CCDC60: variants seen among roughly 807,000 people sequenced by gnomAD.
The protein encoded by CCDC60 is coiled-coil domain-containing protein 60.
A neutral mutation model predicts 63.5 loss-of-function variants in CCDC60; 54 were observed. The observed-to-expected ratio is 0.85, with a 90% CI of 0.68 to 1.07. The LOEUF (loss-of-function observed/expected upper bound fraction) is 1.07. Ranked by LOEUF, CCDC60 falls within the 50% of genes least tolerant of loss-of-function variation. The probability of loss-of-function intolerance (pLI) is 0.00; values close to 1 mark genes in which losing one functional copy is unlikely to be tolerated. For synonymous variants in CCDC60, 206 were observed against 238.8 expected (o/e 0.86, Z 1.27); for missense variants, 651 against 684.3 (o/e 0.95, Z 0.54).
At chr12:119,537,027 C>T (rs1953023975) in intron 13 of CCDC60, among the ~76,000 whole-genome samples, 1 of 152,162 alleles carries the variant, frequency 6.6e-6, no homozygotes, top group Admixed American at 6.5e-5. Flanking sequence ...GTTCCATTCT[C>T]CCCATCACTT....
intron 2 of CCDC60, among the ~76,000 whole-genome samples, chr12:119,436,608 G>T (rs754267475): frequency 6.7e-6 from 1 of 149,518 alleles, no homozygotes; most frequent in African/African-American, 2.5e-5. Context: ...GCACGATCTC[G>T]GCTCACTGCA....
chr12:119,381,582 T>C (rs1019559377), intron 1 of CCDC60, among the ~76,000 whole-genome samples: 1 of 152,238 alleles, frequency 6.6e-6, no homozygotes, highest in Non-Finnish European at 1.5e-5. Context: ...TAGTAATCAC[T>C]GCTCCCTACT....
chr12:119,427,679 G>T (rs1223802514), intron 1 of CCDC60, among the ~76,000 whole-genome samples: 1 of 152,016 alleles, frequency 6.6e-6, no homozygotes, highest in African/African-American at 2.4e-5. Flanking sequence ...GTATTTACCA[G>T]ATTTATCTGA....
intron 1 of CCDC60, among the ~76,000 whole-genome samples, chr12:119,425,198 A>G (rs1956880329): frequency 6.6e-6 from 1 of 152,182 alleles, no homozygotes; most frequent in Non-Finnish European, 1.5e-5. Flanking sequence ...ATTTATAAAT[A>G]TGCTTAGTTC....
chr12:119,479,255 G>C, intron 4 of CCDC60, 54 bp downstream of exon 4: 4 of 1,254,610 alleles, frequency 3.2e-6, no homozygotes, highest in Non-Finnish European at 4.6e-6. Flanking sequence ...AATTGAAGCC[G>C]AACTGAAATG....
chr12:119,412,355 C>T (rs978710112), intron 1 of CCDC60, among the ~76,000 whole-genome samples: 3 of 152,046 alleles, frequency 2.0e-5, no homozygotes, highest in African/African-American at 7.2e-5. Flanking sequence ...TTGATTGTTG[C>T]AGAGATGTCA....
At chr12:119,445,785 A>C (rs1032913374) in intron 2 of CCDC60, among the ~76,000 whole-genome samples, 5 of 152,228 alleles carry the variant, frequency 3.3e-5, no homozygotes, top group Non-Finnish European at 5.9e-5. Context: ...TGGCATCTGC[A>C]GCAACCTGGA....
At chr12:119,337,457 A>C (rs1408064576) in intron 1 of CCDC60, among the ~76,000 whole-genome samples, 1 of 152,192 alleles carries the variant, frequency 6.6e-6, no homozygotes, top group Non-Finnish European at 1.5e-5. Context: ...GCAAAACGGG[A>C]ATGTCATAGA....
At chr12:119,350,207 TTA>T in intron 1 of CCDC60, among the ~76,000 whole-genome samples, 1 of 138,170 alleles carries the variant, frequency 7.2e-6, no homozygotes, top group Non-Finnish European at 1.5e-5. Flanking sequence ...ATTTATTTAT[TTA>T]TTTTTTGAGA....
rs1288749133 is a variant in CCDC60 at position 119,347,227 on chromosome 12, A to G, written c.90+11961A>G. ...ACATATTTTGATACTGGATCAATAT[A>G]CTGCCAAAACCTGCTAGAAAAAATG... On this transcript the variant is annotated intron_variant, in intron 1 of 13. Transcript: ENST00000327554. 5.9e-5 allele frequency among the ~76,000 whole-genome samples: 9 copies of G among 152,322 alleles called. 1 individual carries two copies. In the East Asian group the frequency reaches 1.5e-3, roughly 26 times the overall value.
chr12:119,400,652 C>G (rs1430181691), intron 1 of CCDC60, among the ~76,000 whole-genome samples: 1 of 152,218 alleles, frequency 6.6e-6, no homozygotes, highest in Admixed American at 6.5e-5. Flanking sequence ...AGTGGAGATT[C>G]CTTGGTCCAC....
intron 7 of CCDC60, among the ~76,000 whole-genome samples, chr12:119,513,966 G>C (rs1233312938): frequency 6.6e-6 from 1 of 152,064 alleles, no homozygotes; most frequent in African/African-American, 2.4e-5. Flanking sequence ...AGTGAATTGT[G>C]AAACAGCCCT....
At chr12:119,393,876 G>T (rs75160560) in intron 1 of CCDC60, among the ~76,000 whole-genome samples, 3 of 152,150 alleles carry the variant, frequency 2.0e-5, no homozygotes, top group African/African-American at 7.2e-5. Context: ...GGGCTACAAT[G>T]AAGCCATCAG....
intron 2 of CCDC60, among the ~76,000 whole-genome samples, chr12:119,442,688 C>T (rs1456917688): frequency 6.6e-6 from 1 of 152,198 alleles, no homozygotes; most frequent in African/African-American, 2.4e-5. Context: ...TCCACACAAA[C>T]ATAATAACTA....
At chr12:119,475,946 C>T (rs1951168580) in intron 3 of CCDC60, among the ~76,000 whole-genome samples, 1 of 152,186 alleles carries the variant, frequency 6.6e-6, no homozygotes, top group African/African-American at 2.4e-5. Flanking sequence ...AAGCATCTCA[C>T]ATCTAACAGC....
chr12:119,407,465 G>A lies in CCDC60; in HGVS notation c.91-21218G>A, dbSNP rs550326798. 1.1e-3 allele frequency among the ~76,000 whole-genome samples: 165 copies of A among 152,274 alleles called. 1 individual carries two copies. The highest frequency in any genetic ancestry group is 3.8e-3 in the African/African-American group (156 of 41,558). ...GAGGATCACTTGAGCCCGAGAGTTCGAGACTGCAGCGAGCTATGATCATGC... is the reference window on the plus strand; with the variant it reads ...GAGGATCACTTGAGCCCGAGAGTTCAAGACTGCAGCGAGCTATGATCATGC... On this transcript the variant is annotated intron_variant, in intron 1 of 13. Transcript: ENST00000327554.
chr12:119,503,713 C>T (rs147377737), intron 6 of CCDC60, among the ~76,000 whole-genome samples: 14 of 152,268 alleles, frequency 9.2e-5, no homozygotes, highest in African/African-American at 3.4e-4. Flanking sequence ...AAGGTTCCAC[C>T]CATAGTCAGT....
At chr12:119,353,516 T>TTC (rs903359018) in intron 1 of CCDC60, among the ~76,000 whole-genome samples, 7 of 151,428 alleles carry the variant, frequency 4.6e-5, no homozygotes, top group Non-Finnish European at 7.4e-5. Flanking sequence ...CTGTCTGTAT[T>TTC]TCTCTCTCTC....
intron 2 of CCDC60, among the ~76,000 whole-genome samples, chr12:119,440,569 T>C (rs1950423931): frequency 6.6e-6 from 1 of 151,992 alleles, no homozygotes; most frequent in Non-Finnish European, 1.5e-5. Context: ...AAATAAAATC[T>C]GAATATAAAA....
Sources: gnomAD v4.1 joint callset for allele counts (sites outside exome capture counted in the v4.1 genomes callset) on GRCh38, gnomAD v4.1.1 for gene constraint, MANE v1.5 for transcripts, NCBI Gene and HGNC (gene_info 2026-07-23, HGNC 2026-07-21) for gene names.